Variants in DDB1 observed in about 807,000 individuals in gnomAD.
DDB1 encodes DNA damage-binding protein 1.
Under a neutral mutation model 133.1 loss-of-function variants are expected in DDB1, and 18 were observed. The observed-to-expected ratio is 0.14, with a 90% confidence interval of 0.09 to 0.20. DDB1 has a LOEUF of 0.20. Ranked by LOEUF, DDB1 falls within the 10% of genes least tolerant of loss-of-function variation. The pLI is 1.00. For missense variants in DDB1, 828 were observed against 1,459.2 expected (o/e 0.57, Z 7.05); for synonymous variants, 580 against 550.5 (o/e 1.05, Z -0.75).
intron 10 of DDB1, 128 bp from the exon 11 acceptor site, chr11:61,316,695 G>T: frequency 1.0e-6 from 1 of 981,618 alleles, no homozygotes; most frequent in Non-Finnish European, 1.6e-6. Context: ...GCAGAGGCAG[G>T]AGGACTGCTT....
At position 61,300,871 on chromosome 11, in the gene DDB1, A is replaced by G; in HGVS notation, c.3277T>C (p.Leu1093=). The G allele has an allele frequency of 6.2e-7, 1 of 1,614,172 alleles. No individual in the cohort carries two copies. The highest frequency in any genetic ancestry group is 8.5e-7 in the Non-Finnish European group (1 of 1,180,036). Residue 1093 remains leucine, a synonymous_variant, in exon 26 of 27, where the codon TTG becomes CTG. Coordinates refer to ENST00000301764, the MANE Select transcript of DDB1 (RefSeq NM_001923.5). ...CTAATATCCAGGAAACTCTCAATCA[A>G]GTCACCGTCGATGAAACCTGTGGCT... ...EPATGFIDGD[L]IESFLDISRP...
chr11:61,314,441 G>T lies in DDB1; in HGVS notation c.1456C>A (p.Leu486Met). The T allele has an allele frequency of 6.2e-7, 1 of 1,614,084 alleles. No individual in the cohort carries two copies. The highest frequency in any genetic ancestry group is 8.5e-7 in the Non-Finnish European group (1 of 1,179,986). Reference protein sequence around the residue: ...VRLVSQEPKALVSEWKEPQAK... With the variant: ...VRLVSQEPKAMVSEWKEPQAK... ...TGAGGCTCCTTCCATTCACTGACCA[G>T]AGCTTTGGGTTCTTGAGAGACCAAC... Residue 486 changes from leucine (L) to methionine (M), a missense_variant, in exon 13 of 27, where the codon CTG becomes ATG. Physicochemically the swap from Leu to Met is conservative, Grantham distance 15. Around this residue, in one of 7 missense-constraint regions of DDB1, gnomAD observed 396 missense variants for 554.1 expected, o/e 0.71. Coordinates refer to ENST00000301764, the MANE Select transcript of DDB1 (RefSeq NM_001923.5).
At chr11:61,329,313 C>T (rs1314653519) in intron 4 of DDB1, 50 bp downstream of exon 4, 1 of 1,566,112 alleles carries the variant, frequency 6.4e-7, no homozygotes. Flanking sequence ...AAAAACAACT[C>T]CTATCACATC....
intron 10 of DDB1, chr11:61,321,332 A>G: frequency 3.2e-6 from 1 of 309,098 alleles, no homozygotes; most frequent in Non-Finnish European, 5.9e-6. Context: ...CATATAAACA[A>G]CATTAATTTT....
At chr11:61,321,858 C>A in intron 9 of DDB1, 161 bp from the exon 10 acceptor site, 1 of 645,388 alleles carries the variant, frequency 1.5e-6, no homozygotes, top group East Asian at 2.7e-5. Flanking sequence ...CAAAGTCTTT[C>A]AAATTTACAG....
chr11:61,322,174 G>T, intron 9 of DDB1, 122 bp downstream of exon 9: 1 of 786,768 alleles, frequency 1.3e-6, no homozygotes. Flanking sequence ...ATATCACTGG[G>T]ATTCATGAGG....
chr11:61,325,490 A>G (rs1158200335), intron 6 of DDB1, 121 bp downstream of exon 6: 2 of 778,242 alleles, frequency 2.6e-6, no homozygotes, highest in Admixed American at 2.5e-5. Flanking sequence ...TACCTTATAT[A>G]CATAGTAAAT....
intron 12 of DDB1, 177 bp from the exon 13 acceptor site, chr11:61,314,663 C>A: frequency 1.6e-6 from 1 of 635,938 alleles, no homozygotes; most frequent in Non-Finnish European, 2.5e-6. Context: ...TGCATGAATG[C>A]CTGAAGGAGG....
intron 10 of DDB1, among the ~76,000 whole-genome samples, chr11:61,317,200 A>C (rs1008681455): frequency 2.0e-5 from 3 of 150,716 alleles, no homozygotes; most frequent in Non-Finnish European, 4.4e-5. Context: ...TGCAAGCTCC[A>C]CCTCCCGGGT....
At chr11:61,329,808 G>T in intron 3 of DDB1, 150 bp downstream of exon 3, 1 of 758,766 alleles carries the variant, frequency 1.3e-6, no homozygotes, top group East Asian at 2.5e-5. Context: ...GTGAACTACA[G>T]GAGTCCTTTC....
chr11:61,324,060 G>A lies in DDB1; in HGVS notation c.840C>T (p.Leu280=), dbSNP rs997656322. ...RYLLGDMEGR[L]FMLLLEKEEQ... The stretch of plus-strand genomic sequence containing the variant: ...CCTCCTTCTCCAAAAGCAGCATGAA[G>A]AGCCGGCCTTCCATGTCTCCCAGCA... The change falls in exon 7 of 27, where the codon CTC becomes CTT. Residue 280 remains leucine, a synonymous_variant. Coordinates refer to ENST00000301764, the MANE Select transcript of DDB1 (RefSeq NM_001923.5). 3 of 1,614,074 alleles carry A rather than the reference G, an allele frequency of 1.9e-6. No individual in the cohort carries two copies. The highest frequency in any genetic ancestry group is 4.5e-5 in the East Asian group (2 of 44,884).
Position 61,306,184 on chromosome 11 carries a change from ACACAGTCATTAAC to A in DDB1, c.2662-2162_2662-2150del, listed in dbSNP as rs1469639563. 8.5e-5 allele frequency among the ~76,000 whole-genome samples: 13 copies of A among 152,314 alleles called. No individual in the cohort carries two copies. The South Asian group carries it at 2.5e-3, about 29-fold the overall frequency. On this transcript the variant is annotated intron_variant, in intron 21 of 26. Coordinates refer to ENST00000301764, the MANE Select transcript of DDB1 (RefSeq NM_001923.5). ...GTGCCCACTCACTGCACCCTCTGGA[ACACAGTCATTAAC>A]CATGGACAGCCACTTCTCTGGGCAA...
chr11:61,320,154 T>C (rs1024322568), intron 10 of DDB1, among the ~76,000 whole-genome samples: 1 of 152,156 alleles, frequency 6.6e-6, no homozygotes, highest in African/African-American at 2.4e-5. Flanking sequence ...CTTGGGTTTG[T>C]AGTTATATGA....
chr11:61,302,705 G>A lies in DDB1; in HGVS notation c.2989C>T (p.Leu997Phe). The A allele has an allele frequency of 2.5e-6, 4 of 1,614,208 alleles. No individual in the cohort carries two copies. The highest frequency in any genetic ancestry group is 3.4e-6 in the Non-Finnish European group (4 of 1,180,028). Reference protein sequence around the residue: ...EERQHLQEVGLFHLGEFVNVF... With the variant: ...EERQHLQEVGFFHLGEFVNVF... ...TTGACAAACTCGCCCAGGTGGAAAA[G>A]ACCAACCTCCTGGAGGTGCTGCCGC... Residue 997 changes from leucine (L) to phenylalanine (F), a missense_variant, in exon 24 of 27, where the codon CTT (leucine) becomes TTT (phenylalanine). Transcript: ENST00000301764.
At chr11:61,300,299 A>G (rs1855772148) in intron 26 of DDB1, 80 bp from the exon 27 acceptor site, 1 of 1,366,946 alleles carries the variant, frequency 7.3e-7, no homozygotes, top group African/African-American at 1.4e-5. Context: ...CCCCCAGTGA[A>G]GGAGGCACAA....
At chr11:61,328,398 C>T (rs1167052793) in intron 4 of DDB1, among the ~76,000 whole-genome samples, 1 of 152,206 alleles carries the variant, frequency 6.6e-6, no homozygotes, top group Non-Finnish European at 1.5e-5. Flanking sequence ...TATTCAGCCA[C>T]ATGCAAATGA....
intron 21 of DDB1, among the ~76,000 whole-genome samples, chr11:61,304,876 T>TCAAAAAAAAAAAAAAAAAAAAAAA (rs1855860135): frequency 9.1e-6 from 1 of 109,604 alleles, no homozygotes; most frequent in Non-Finnish European, 1.9e-5. Flanking sequence ...AGACTCCGCC[T>TCAAAAAAAAAAAAAAAAAAAAAAA]AAAAAAAAAA....
rs756668691 is a variant in DDB1, at chr11:61,313,927, C to T, written c.1796G>A (p.Ser599Asn). 5.6e-6 allele frequency: 9 copies of T among 1,614,150 alleles called. No homozygotes were observed. The South Asian group carries it at 8.8e-5, about 16-fold the overall frequency. ...TCCCAAGGCACAAAGGAGGTAATGG[C>T]TACTCTCAAAGGTGGTCATCAGGAT... Reference protein sequence around the residue: ...RSILMTTFESSHYLLCALGDG... With the variant: ...RSILMTTFESNHYLLCALGDG... The change falls in exon 15 of 27, where the codon AGC (serine) becomes AAC (asparagine). Residue 599 changes from serine to asparagine, a missense_variant. Transcript: ENST00000301764.
At chr11:61,313,784 A>G in intron 15 of DDB1, 78 bp from the exon 16 acceptor site, 4 of 1,590,950 alleles carry the variant, frequency 2.5e-6, no homozygotes, top group Non-Finnish European at 3.4e-6. Flanking sequence ...TCAAAAGCAG[A>G]ACCCTGGGAC....
Sources: gnomAD v4.1 joint callset for allele counts (sites outside exome capture counted in the v4.1 genomes callset) on GRCh38, gnomAD v4.1.1 for gene constraint, gnomAD v4.1.1 regional missense constraint, MANE v1.5 for transcripts, NCBI Gene and HGNC (gene_info 2026-07-23, HGNC 2026-07-21) for gene names.